IQCM: variants seen among roughly 807,000 people sequenced by gnomAD.
IQCM encodes IQ motif containing M, also known as IQ domain-containing protein M.
IQCM carries 45 observed loss-of-function variants against 57.6 expected under a neutral mutation model. That is an observed-to-expected ratio of 0.78 (90% CI 0.62 to 1.00). The LOEUF (loss-of-function observed/expected upper bound fraction) is 1.00, where lower values mean the gene tolerates loss of function less well. Ranked by LOEUF, IQCM falls within the 50% of genes least tolerant of loss-of-function variation. The pLI is 0.00. For missense variants in IQCM, 468 were observed against 511.6 expected (o/e 0.91, Z 0.82); for synonymous variants, 148 against 158.9 (o/e 0.93, Z 0.51).
intron 5 of IQCM, among the ~76,000 whole-genome samples, chr4:149,702,036 T>C (rs1561175001): frequency 1.3e-5 from 2 of 151,934 alleles, no homozygotes; most frequent in African/African-American, 4.8e-5. Flanking sequence ...TCTAATCCAG[T>C]ATAAATATTG....
At chr4:149,591,344 A>G (rs1753143436) in intron 8 of IQCM, among the ~76,000 whole-genome samples, 1 of 152,010 alleles carries the variant, frequency 6.6e-6, no homozygotes, top group Non-Finnish European at 1.5e-5. Context: ...CAATTTTTGC[A>G]TCTTAATTAT....
chr4:149,752,030 A>G (rs935957975), intron 2 of IQCM, among the ~76,000 whole-genome samples: 1 of 152,206 alleles, frequency 6.6e-6, no homozygotes, highest in Non-Finnish European at 1.5e-5. Flanking sequence ...AAAACAGAAG[A>G]AAGAGAAAGG....
intron 13 of IQCM, among the ~76,000 whole-genome samples, chr4:149,431,839 T>G (rs1734895148): frequency 6.6e-6 from 1 of 151,888 alleles, no homozygotes; most frequent in Non-Finnish European, 1.5e-5. Context: ...CTGAACCAAA[T>G]TTTTATGGAT....
chr4:149,442,414 A>G (rs937368559), intron 12 of IQCM, among the ~76,000 whole-genome samples: 2 of 152,060 alleles, frequency 1.3e-5, no homozygotes, highest in South Asian at 4.1e-4. Context: ...ACAACAACAA[A>G]AAAAACCCAA....
chr4:149,652,531 A>G (rs1286101641), intron 7 of IQCM, among the ~76,000 whole-genome samples: 1 of 152,156 alleles, frequency 6.6e-6, no homozygotes, highest in African/African-American at 2.4e-5. Flanking sequence ...TATCTCCTCT[A>G]TTAAAAGAAC....
At chr4:149,481,701 G>GTTTTTTTTTTTTGTTTTTT (rs751057249) in intron 12 of IQCM, among the ~76,000 whole-genome samples, 1 of 51,574 alleles carries the variant, frequency 1.9e-5, no homozygotes, top group African/African-American at 7.6e-5. Flanking sequence ...TTCCAGTTTT[G>GTTTTTTTTTTTTGTTTTTT]TTTTTTTTTT....
chr4:149,420,610 C>T (rs184581952), intron 13 of IQCM, among the ~76,000 whole-genome samples: 16 of 151,988 alleles, frequency 1.1e-4, no homozygotes, highest in African/African-American at 3.6e-4. Context: ...CCTGCACATC[C>T]TGCACATGGA....
intron 7 of IQCM, among the ~76,000 whole-genome samples, chr4:149,662,730 A>G (rs1340017647): frequency 3.3e-5 from 5 of 151,840 alleles, no homozygotes; most frequent in Non-Finnish European, 7.4e-5. Context: ...ACTCCTGCTC[A>G]GTTTTGTTTT....
chr4:149,553,208 C>T lies in IQCM; in HGVS notation c.1028G>A (p.Gly343Asp), dbSNP rs1579464438. The change falls in exon 11 of 14, where the codon GGT becomes GAT. Residue 343 changes from glycine (G) to aspartate (D), a missense_variant. Transcript: ENST00000636793. ...RLIHRVRYRR[G>D]LWRTRQILNL... is the part of the protein sequence containing the mutation. ...GAGAATTTGTCTTGTCCTCCAAAGA[C>T]CACGTCGATATCTAACACGGTGGAT... The T allele has an allele frequency of 3.2e-6, 4 of 1,232,022 alleles. No individual in the cohort carries two copies. The highest frequency in any genetic ancestry group is 4.0e-6 in the Non-Finnish European group (4 of 987,890). The allele number at this position is 1,232,022 out of a possible 1,614,324, so 76.3% of individuals were successfully genotyped here.
intron 7 of IQCM, among the ~76,000 whole-genome samples, chr4:149,640,653 A>G (rs1758101116): frequency 6.6e-6 from 1 of 152,188 alleles, no homozygotes; most frequent in Admixed American, 6.5e-5. Context: ...GGCTTTTCCC[A>G]TAGTTAACAT....
At chr4:149,416,940 T>C (rs966779625) in intron 13 of IQCM, among the ~76,000 whole-genome samples, 2 of 152,150 alleles carry the variant, frequency 1.3e-5, no homozygotes, top group Non-Finnish European at 2.9e-5. Context: ...GGTTCACTGC[T>C]ATTCTGTCTG....
intron 12 of IQCM, among the ~76,000 whole-genome samples, chr4:149,472,602 A>G (rs978919949): frequency 6.6e-6 from 1 of 152,212 alleles, no homozygotes; most frequent in Non-Finnish European, 1.5e-5. Context: ...GACTTTCTTC[A>G]CAGAATTGGA....
At chr4:149,566,906 A>G (rs1230344100) in intron 9 of IQCM, among the ~76,000 whole-genome samples, 1 of 152,184 alleles carries the variant, frequency 6.6e-6, no homozygotes, top group Non-Finnish European at 1.5e-5. Context: ...AATTTTGACA[A>G]TGGTAAATTT....
intron 2 of IQCM, among the ~76,000 whole-genome samples, chr4:149,810,561 T>C (rs1774479819): frequency 6.6e-6 from 1 of 151,816 alleles, no homozygotes; most frequent in South Asian, 2.1e-4. Flanking sequence ...GCGATTCTCC[T>C]GCCTCAGCCT....
intron 2 of IQCM, among the ~76,000 whole-genome samples, chr4:149,750,626 T>G (rs1768346070): frequency 6.6e-6 from 1 of 152,236 alleles, no homozygotes; most frequent in African/African-American, 2.4e-5. Flanking sequence ...GTTTTTCTTG[T>G]GATTTTCACA....
intron 2 of IQCM, among the ~76,000 whole-genome samples, chr4:149,805,522 A>G (rs1012445223): frequency 5.3e-5 from 8 of 152,082 alleles, no homozygotes; most frequent in Non-Finnish European, 1.0e-4. Context: ...AAAATTTAAC[A>G]TGTAGCTGCA....
chr4:149,801,787 G>A (rs1398777236), intron 2 of IQCM, among the ~76,000 whole-genome samples: 2 of 151,574 alleles, frequency 1.3e-5, no homozygotes, highest in East Asian at 3.9e-4. Context: ...TGATTAATGG[G>A]TACCAAAAAA....
chr4:149,566,937 CAG>C (rs1350352810), intron 9 of IQCM, among the ~76,000 whole-genome samples: 1 of 152,222 alleles, frequency 6.6e-6, no homozygotes, highest in East Asian at 1.9e-4. Context: ...AATCATAAAA[CAG>C]AGAAATGCTT....
chr4:149,357,640 G>C (rs1042520140), intron 13 of IQCM, among the ~76,000 whole-genome samples: 1 of 152,136 alleles, frequency 6.6e-6, no homozygotes, highest in Non-Finnish European at 1.5e-5. Flanking sequence ...TGCTGGATAC[G>C]TTTTGCCAGT....
Sources: allele counts gnomAD v4.1 joint callset (sites outside exome capture counted in the v4.1 genomes callset), GRCh38; gene constraint gnomAD v4.1.1; transcripts MANE v1.5; gene names NCBI Gene and HGNC (gene_info 2026-07-23, HGNC 2026-07-21).